SLC33A1: variants seen among roughly 807,000 people sequenced by gnomAD.
The protein encoded by SLC33A1 is solute carrier family 33 member 1, also known as acetyl-coenzyme A transporter 1.
In SLC33A1, 20 loss-of-function variants were observed where a neutral mutation model predicts 50.0. The ratio of observed to expected loss-of-function variants is 0.40; its 90% confidence interval spans 0.28 to 0.58. The LOEUF is 0.58. Among genes scored for constraint, SLC33A1 ranks in the 20% least tolerant of loss-of-function variants. The pLI is 0.44. For synonymous variants in SLC33A1, 265 were observed against 251.8 expected (o/e 1.05, Z -0.50); for missense variants, 476 against 657.0 (o/e 0.72, Z 3.01).
At chr3:155,838,044 T>G (rs1577465245) in intron 2 of SLC33A1, among the ~76,000 whole-genome samples, 1 of 152,308 alleles carries the variant, frequency 6.6e-6, no homozygotes, top group East Asian at 1.9e-4. Context: ...GGCTCACACC[T>G]GTAATCCCAG....
At chr3:155,833,791 A>T in intron 3 of SLC33A1, 66 bp downstream of exon 3, 1 of 1,190,648 alleles carries the variant, frequency 8.4e-7, no homozygotes, top group East Asian at 2.3e-5. Context: ...CTCAGATATT[A>T]GTGGTATTGA....
rs534439297 is a variant in SLC33A1 at position 155,845,736 on chromosome 3, T to C, written c.776-3117A>G. ...AGTAGTCTTATTAGACTTATTAACA[T>C]TGCTTTGATGCTAGAGACATCCATA... On this transcript the variant is annotated intron_variant, in intron 1 of 5. Transcript: ENST00000643144. 2.0e-5 allele frequency among the ~76,000 whole-genome samples: 3 copies of C among 152,350 alleles called. No homozygotes were observed. The East Asian group carries it at 5.8e-4, about 29-fold the overall frequency.
intron 1 of SLC33A1, among the ~76,000 whole-genome samples, chr3:155,850,208 CA>C (rs1477982733): frequency 1.3e-5 from 2 of 152,134 alleles, no homozygotes; most frequent in East Asian, 3.9e-4. Context: ...AAGGTTTCAC[CA>C]TGTTGGCCAG....
chr3:155,831,016 C>G (rs1361269928), intron 4 of SLC33A1, among the ~76,000 whole-genome samples: 4 of 152,114 alleles, frequency 2.6e-5, no homozygotes, highest in African/African-American at 9.7e-5. Context: ...CACTAACTTA[C>G]ACAAAATTGA....
At chr3:155,849,724 A>G (rs1753320564) in intron 1 of SLC33A1, among the ~76,000 whole-genome samples, 3 of 151,758 alleles carry the variant, frequency 2.0e-5, no homozygotes, top group African/African-American at 7.3e-5. Flanking sequence ...CCTGGCCAAC[A>G]TGGCGAAACC....
rs1449403905 is a variant in SLC33A1, at chr3:155,853,683, G to A, written c.315C>T (p.Ser105=). The part of the protein sequence containing the change: ...IPLILQSKNV[S]YTDQAFFSFV... ...AACTGAAGAAAGCTTGGTCTGTATA[G>A]CTAACATTTTTGCTTTGCAAAATGA... Residue 105 remains serine (S), a synonymous_variant, in exon 1 of 6, where the codon AGC becomes AGT. Coordinates refer to ENST00000643144, the MANE Select transcript of SLC33A1 (RefSeq NM_004733.4). 1.2e-6 allele frequency: 2 copies of A among 1,614,180 alleles called. No individual in the cohort carries two copies. The highest frequency in any genetic ancestry group is 1.7e-6 in the Non-Finnish European group (2 of 1,180,018).
At position 155,824,806 on chromosome 3, in the gene SLC33A1, G is replaced by A. The variant is rs1752165756; in HGVS notation, c.*3404C>T. On this transcript the variant is annotated 3_prime_UTR_variant, in exon 6 of 6. Coordinates refer to ENST00000643144, the MANE Select transcript of SLC33A1 (RefSeq NM_004733.4). Reference sequence around the variant, plus strand: ...AAGCAATTCAGGGGTTTTTCCCACAGACATCAAAAACCTTGCAATAAAGGG... The same window carrying A: ...AAGCAATTCAGGGGTTTTTCCCACAAACATCAAAAACCTTGCAATAAAGGG... 1 of 152,000 alleles carries A rather than the reference G, an allele frequency of 6.6e-6. No homozygotes were observed. The highest frequency in any genetic ancestry group is 2.1e-4 in the South Asian group (1 of 4,820). The allele number at this position is 152,000 out of a possible 1,614,324, so 9.4% of individuals were successfully genotyped here.
chr3:155,852,771 A>G (rs1235897464), intron 1 of SLC33A1, among the ~76,000 whole-genome samples: 1 of 152,228 alleles, frequency 6.6e-6, no homozygotes, highest in Non-Finnish European at 1.5e-5. Context: ...CCCGTCCCTT[A>G]GCTGGTTCAA....
intron 2 of SLC33A1, among the ~76,000 whole-genome samples, chr3:155,838,589 G>C (rs748123667): frequency 6.6e-6 from 1 of 151,078 alleles, no homozygotes; most frequent in Non-Finnish European, 1.5e-5. Flanking sequence ...GCTGAGGCAG[G>C]AGAATTGCTT....
intron 1 of SLC33A1, among the ~76,000 whole-genome samples, chr3:155,843,443 C>T (rs942296751): frequency 3.9e-5 from 6 of 152,086 alleles, no homozygotes; most frequent in Non-Finnish European, 8.8e-5. Flanking sequence ...TGCTCACACT[C>T]GTAGGTGCAG....
In SLC33A1 at chr3:155,842,611, A is replaced by G; in HGVS notation, c.784T>C (p.Phe262Leu). ...ATTAAAAATACAGTTCCCCAGAAAA[A>G]AAGGAAATCTGAAAATGTTTTAAAT... ...RGIVTLSDFL[F>L]FWGTVFLITT... is the part of the protein sequence containing the mutation. Residue 262 changes from phenylalanine (F) to leucine (L), a missense_variant, in exon 2 of 6, where the codon TTT becomes CTT. By Grantham distance (22) the Phe-to-Leu change is conservative (BLOSUM62 0). Transcript: ENST00000643144. The G allele has an allele frequency of 6.5e-7, 1 of 1,535,004 alleles. No homozygotes were observed. The highest frequency in any genetic ancestry group is 8.8e-7 in the Non-Finnish European group (1 of 1,131,800).
intron 1 of SLC33A1, among the ~76,000 whole-genome samples, chr3:155,847,171 A>G (rs1753206879): frequency 6.6e-6 from 1 of 152,010 alleles, no homozygotes; most frequent in Non-Finnish European, 1.5e-5. Flanking sequence ...TTGTGCCACT[A>G]CACTCCAGCC....
At chr3:155,830,034 C>T (rs1752348429) in intron 4 of SLC33A1, 131 bp from the exon 5 acceptor site, 2 of 679,238 alleles carry the variant, frequency 2.9e-6, no homozygotes, top group South Asian at 1.7e-5. Flanking sequence ...TCAACAAATA[C>T]TTATCAAGCA....
At chr3:155,842,999 T>TAAAAAAAAAAA in intron 1 of SLC33A1, 1 of 97,918 alleles carries the variant, frequency 1.0e-5, no homozygotes, top group Non-Finnish European at 2.1e-5. Flanking sequence ...AGACCTTGTC[T>TAAAAAAAAAAA]AAAAAAAAAA....
intron 1 of SLC33A1, among the ~76,000 whole-genome samples, chr3:155,847,677 G>C (rs530393902): frequency 1.3e-5 from 2 of 151,916 alleles, no homozygotes; most frequent in East Asian, 3.9e-4. Flanking sequence ...GAACCTGGGA[G>C]GCAGAAGTTG....
Position 155,826,609 on chromosome 3 carries a change from T to G in SLC33A1, c.*1601A>C, listed in dbSNP as rs1752206959. 6.6e-6 allele frequency: 1 copy of G among 152,106 alleles called. No homozygotes were observed. The highest frequency in any genetic ancestry group is 1.5e-5 in the Non-Finnish European group (1 of 68,018). 9.4% of individuals were successfully genotyped at this position (152,106 alleles called of 1,614,324 possible). On this transcript the variant is annotated 3_prime_UTR_variant, in exon 6 of 6. Transcript: ENST00000643144. ...ACAACCATGTGACAAAGTACTGTAGTGTATGGTTTGGTGTAGCCTCCTTGC... is the reference window on the plus strand; with the variant it reads ...ACAACCATGTGACAAAGTACTGTAGGGTATGGTTTGGTGTAGCCTCCTTGC...
chr3:155,847,575 T>C (rs1010742058), intron 1 of SLC33A1, among the ~76,000 whole-genome samples: 4 of 151,884 alleles, frequency 2.6e-5, no homozygotes, highest in African/African-American at 9.7e-5. Context: ...TGAAACCCCA[T>C]CTCTACTAAA....
chr3:155,838,080 GATC>G (rs1243743659), intron 2 of SLC33A1, among the ~76,000 whole-genome samples: 1 of 151,972 alleles, frequency 6.6e-6, no homozygotes, highest in Non-Finnish European at 1.5e-5. Context: ...GAGGTGGGCA[GATC>G]ACCTGAGGTC....
intron 4 of SLC33A1, among the ~76,000 whole-genome samples, chr3:155,832,031 G>A (rs1009259613): frequency 1.3e-5 from 2 of 152,186 alleles, no homozygotes; most frequent in Non-Finnish European, 2.9e-5. Context: ...AGTCCCAAAG[G>A]TTACTTCTGG....
Sources: gnomAD v4.1 joint callset for allele counts (sites outside exome capture counted in the v4.1 genomes callset) on GRCh38, gnomAD v4.1.1 for gene constraint, MANE v1.5 for transcripts, NCBI Gene and HGNC (gene_info 2026-07-23, HGNC 2026-07-21) for gene names.